Variants in DYNLRB1 observed in about 807,000 individuals in gnomAD.
DYNLRB1 encodes ROBL/LC7-like 1.
Under a neutral mutation model 13.5 loss-of-function variants are expected in DYNLRB1, and 6 were observed. The ratio of observed to expected loss-of-function variants is 0.44; its 90% CI spans 0.24 to 0.88. The LOEUF (loss-of-function observed/expected upper bound fraction) is 0.88, where lower values mean the gene tolerates loss of function less well. Among genes scored for constraint, DYNLRB1 ranks in the 40% least tolerant of loss-of-function variants. The probability of loss-of-function intolerance (pLI) is 0.21; values close to 1 mark genes in which losing one functional copy is unlikely to be tolerated. For synonymous variants in DYNLRB1, 43 were observed against 45.0 expected, an observed-to-expected ratio of 0.96 and a Z score of 0.18; for missense variants, 93 against 127.2, an observed-to-expected ratio of 0.73 and a Z score of 1.29.
chr20:34,526,424 T>TA, intron 2 of DYNLRB1, 81 bp downstream of exon 2: 1 of 1,364,834 alleles, frequency 7.3e-7, no homozygotes, highest in Non-Finnish European at 1.0e-6. Flanking sequence ...TGCTGTTCAC[T>TA]AAGCCCTTCA....
intron 3 of DYNLRB1, chr20:34,535,440 A>T: frequency 1.2e-6 from 1 of 860,706 alleles, no homozygotes; most frequent in Non-Finnish European, 1.4e-6. Context: ...GCCTGTGTTT[A>T]GTCCTTAGGA....
intron 1 of DYNLRB1, among the ~76,000 whole-genome samples, chr20:34,522,488 T>C (rs1979829210): frequency 6.9e-6 from 1 of 144,730 alleles, no homozygotes; most frequent in Admixed American, 6.8e-5. Context: ...TTTTTTTTTT[T>C]TTTGATGAGT....
At chr20:34,535,998 C>T (rs749981105) in intron 3 of DYNLRB1, 207 of 985,212 alleles carry the variant, frequency 2.1e-4, no homozygotes, top group Non-Finnish European at 2.4e-4. Flanking sequence ...AGCATAGGTT[C>T]TGTCACCAGG....
At chr20:34,524,227 C>A (rs1979990911) in intron 1 of DYNLRB1, among the ~76,000 whole-genome samples, 1 of 152,120 alleles carries the variant, frequency 6.6e-6, no homozygotes, top group Non-Finnish European at 1.5e-5. Flanking sequence ...TTCATAATCT[C>A]CTGTAACCTT....
At chr20:34,525,478 C>T (rs764660381) in intron 1 of DYNLRB1, among the ~76,000 whole-genome samples, 1 of 152,170 alleles carries the variant, frequency 6.6e-6, no homozygotes, top group Non-Finnish European at 1.5e-5. Context: ...ACTCCATCAA[C>T]TGGGGGATCA....
At chr20:34,534,265 A>C (rs1208162992) in intron 2 of DYNLRB1, among the ~76,000 whole-genome samples, 4 of 152,214 alleles carry the variant, frequency 2.6e-5, no homozygotes, top group Admixed American at 1.3e-4. Flanking sequence ...CATGAATCAG[A>C]GCTAGTCTCT....
chr20:34,534,607 C>T lies in DYNLRB1; in HGVS notation c.80-21C>T, dbSNP rs760755378. 1.9e-6 allele frequency: 3 copies of T among 1,538,512 alleles called. No homozygotes were observed. In the Admixed American group the frequency reaches 6.0e-5, roughly 31 times the overall value. ...AGAAGGGGCTCCACATCCTCTCAGT[C>T]TCCGTCTGCTCTCCCCTCAGGCATT... On this transcript the variant is annotated intron_variant, in intron 2 of 3. Transcript: ENST00000357156.
intron 3 of DYNLRB1, among the ~76,000 whole-genome samples, chr20:34,537,258 C>T (rs540396054): frequency 6.6e-6 from 1 of 152,280 alleles, no homozygotes; most frequent in African/African-American, 2.4e-5. Flanking sequence ...GACGGTGGCG[C>T]GCTGAGCTTG....
At chr20:34,516,013 C>T (rs192237188), upstream of DYNLRB1, among the ~76,000 whole-genome samples, 7 of 152,274 alleles carry the variant, frequency 4.6e-5, no homozygotes, top group African/African-American at 1.7e-4. Flanking sequence ...CTACCTCAGC[C>T]TCTGGAGTAA....
rs1980993140 is a variant in DYNLRB1, at chr20:34,534,704, G to A, written c.156G>A (p.Lys52=). 6.2e-6 allele frequency: 10 copies of A among 1,610,864 alleles called. No individual in the cohort carries two copies. The East Asian group carries it at 2.2e-4, about 36-fold the overall frequency. ...GCCTCATGCACAGCTTCATCCTGAA[G>A]GCACGGAGCACCGTGCGTGACATCG... ...YASLMHSFIL[K]ARSTVRDIDP... The change falls in exon 3 of 4, where the codon AAG becomes AAA. Residue 52 remains lysine, a synonymous_variant. Coordinates refer to ENST00000357156, the MANE Select transcript of DYNLRB1 (RefSeq NM_014183.4).
chr20:34,528,311 CAAAAAAAAA>C (rs59104612), intron 2 of DYNLRB1, among the ~76,000 whole-genome samples: 5 of 5,204 alleles, frequency 9.6e-4, no homozygotes, highest in South Asian at 0.014. Context: ...GACTCCGTCT[CAAAAAAAAA>C]AAAAAAAAAA....
At position 34,534,774 on chromosome 20, in the gene DYNLRB1, A is replaced by G; in HGVS notation, c.226A>G (p.Asn76Asp). Residue 76 changes from asparagine to aspartate, a missense_variant, in exon 3 of 4, where the codon AAT (asparagine) becomes GAT (aspartate). By Grantham distance (23) the Asn-to-Asp change is conservative. Transcript: ENST00000357156. ...CTTCCTTCGAATTCGCTCCAAGAAA[A>G]ATGAAATTATGGTTGCACCAGGTAA... is the stretch of plus-strand genomic sequence containing the variant. ...LTFLRIRSKKNEIMVAPDKDY... is the reference protein window; with the variant it reads ...LTFLRIRSKKDEIMVAPDKDY... 1 of 1,614,014 alleles carries G rather than the reference A, an allele frequency of 6.2e-7. No individual in the cohort carries two copies. The highest frequency in any genetic ancestry group is 8.5e-7 in the Non-Finnish European group (1 of 1,180,002).
chr20:34,538,005 T>TTTTTTTTG (rs1981293993), intron 3 of DYNLRB1, among the ~76,000 whole-genome samples: 1 of 122,922 alleles, frequency 8.1e-6, no homozygotes. Context: ...TTTTTTTTTT[T>TTTTTTTTG]GAGACAGGGT....
At chr20:34,525,459 C>T (rs1039921796) in intron 1 of DYNLRB1, among the ~76,000 whole-genome samples, 8 of 152,122 alleles carry the variant, frequency 5.3e-5, no homozygotes, top group Admixed American at 5.2e-4. Context: ...GGGAGTCACA[C>T]GTAGGCAGAC....
At chr20:34,527,868 C>G (rs529311748) in intron 2 of DYNLRB1, among the ~76,000 whole-genome samples, 27 of 152,220 alleles carry the variant, frequency 1.8e-4, no homozygotes, top group African/African-American at 6.3e-4. Context: ...GTCCTTAAAC[C>G]CAGGGGTCCT....
chr20:34,516,575 T>C (rs906204977), intron 1 of DYNLRB1, 114 bp downstream of exon 1: 2 of 1,553,918 alleles, frequency 1.3e-6, no homozygotes, highest in African/African-American at 2.8e-5. Flanking sequence ...CGGTGGTGGC[T>C]GGGCGTGGCC....
chr20:34,536,485 G>A (rs1408011476), intron 3 of DYNLRB1: 5 of 985,244 alleles, frequency 5.1e-6, no homozygotes, highest in Non-Finnish European at 4.8e-6. Context: ...AGTGGCTCAC[G>A]CCTGTAATCC....
At chr20:34,538,355 T>C (rs1325397869) in intron 3 of DYNLRB1, among the ~76,000 whole-genome samples, 1 of 151,778 alleles carries the variant, frequency 6.6e-6, no homozygotes, top group Non-Finnish European at 1.5e-5. Flanking sequence ...GAGGATCGCT[T>C]GAGCCTGGGC....
intron 1 of DYNLRB1, among the ~76,000 whole-genome samples, chr20:34,517,647 G>C (rs1255394251): frequency 4.3e-5 from 1 of 23,526 alleles, no homozygotes; most frequent in Non-Finnish European, 1.0e-4. Flanking sequence ...TTTTTTTTTT[G>C]AGATGGAGTG....
Sources: gnomAD v4.1 joint callset for allele counts (sites outside exome capture counted in the v4.1 genomes callset) on GRCh38, gnomAD v4.1.1 for gene constraint, MANE v1.5 for transcripts, NCBI Gene and HGNC (gene_info 2026-07-23, HGNC 2026-07-21) for gene names.